ASAP1: variants seen among roughly 807,000 people sequenced by gnomAD.
ASAP1 encodes arf-GAP with SH3 domain, ANK repeat and PH domain-containing protein 1.
In ASAP1, 43 loss-of-function variants were observed where a neutral mutation model predicts 145.2. That is an observed-to-expected ratio of 0.30 (90% CI 0.23 to 0.38). ASAP1 has a LOEUF of 0.38. ASAP1 is among the 10% of genes least tolerant of loss of function. The probability of loss-of-function intolerance (pLI) is 1.00; values close to 1 mark genes in which losing one functional copy is unlikely to be tolerated. For missense variants in ASAP1, 1,018 were observed against 1,355.3 expected (o/e 0.75, Z 3.91); for synonymous variants, 546 against 515.5 (o/e 1.06, Z -0.80).
chr8:130,282,896 G>A (rs186605530), intron 3 of ASAP1, among the ~76,000 whole-genome samples: 7 of 152,220 alleles, frequency 4.6e-5, no homozygotes, highest in Non-Finnish European at 7.3e-5. Flanking sequence ...GTTTCGCTGC[G>A]GCAAAGTTAC....
chr8:130,280,050 G>A (rs149759865), intron 3 of ASAP1, among the ~76,000 whole-genome samples: 133 of 152,166 alleles, frequency 8.7e-4, no homozygotes, highest in African/African-American at 3.1e-3. Context: ...ATTTTATTTG[G>A]TCATCAAAAA....
intron 3 of ASAP1, chr8:130,340,870 G>A: frequency 6.6e-6 from 3 of 456,116 alleles, no homozygotes; most frequent in South Asian, 4.6e-5. Context: ...GCTCCTGCAT[G>A]CTTCTTGAGG....
chr8:130,112,464 AT>A, intron 23 of ASAP1, 142 bp from the exon 24 acceptor site: 2 of 633,526 alleles, frequency 3.2e-6, no homozygotes, highest in South Asian at 2.0e-5. Context: ...AATGAGCCTC[AT>A]GATGCTGACA....
At chr8:130,175,252 A>G (rs1319996776) in intron 9 of ASAP1, among the ~76,000 whole-genome samples, 2 of 152,040 alleles carry the variant, frequency 1.3e-5, no homozygotes, top group Non-Finnish European at 2.9e-5. Context: ...TAATATACAG[A>G]GTCTTGCTTT....
chr8:130,232,650 T>G lies in ASAP1; in HGVS notation c.259+4272A>C, dbSNP rs1817976007. 2.0e-5 allele frequency among the ~76,000 whole-genome samples: 3 copies of G among 149,286 alleles called. No individual in the cohort carries two copies. In the South Asian group the frequency reaches 6.2e-4, roughly 31 times the overall value. The stretch of plus-strand genomic sequence containing the variant: ...AAAAAAAAAAACCAAAAAACCCTCA[T>G]TTTTATAATGTTTACTAGTACTGAT... On this transcript the variant is annotated intron_variant, in intron 4 of 29. Coordinates refer to ENST00000518721, the MANE Select transcript of ASAP1 (RefSeq NM_018482.4).
intron 2 of ASAP1, among the ~76,000 whole-genome samples, chr8:130,372,440 A>G (rs1373115746): frequency 6.6e-6 from 1 of 152,256 alleles, no homozygotes; most frequent in Non-Finnish European, 1.5e-5. Flanking sequence ...CCACAGCTGA[A>G]ACAGAACCCC....
At chr8:130,087,799 A>G (rs577937006) in intron 25 of ASAP1, among the ~76,000 whole-genome samples, 1 of 152,334 alleles carries the variant, frequency 6.6e-6, no homozygotes, top group African/African-American at 2.4e-5. Flanking sequence ...AGCTGCTGAC[A>G]ACAACTATTA....
intron 2 of ASAP1, among the ~76,000 whole-genome samples, chr8:130,368,500 T>C (rs1192363535): frequency 6.6e-6 from 1 of 152,220 alleles, no homozygotes; most frequent in Non-Finnish European, 1.5e-5. Context: ...CTGTCAGTCA[T>C]GTCTCTACTT....
At chr8:130,191,612 G>A (rs186411854) in intron 5 of ASAP1, among the ~76,000 whole-genome samples, 148 of 152,314 alleles carry the variant, frequency 9.7e-4, no homozygotes, top group Admixed American at 1.8e-3. Flanking sequence ...GGCAGAGGGA[G>A]AGAGTGGTGT....
intron 13 of ASAP1, 52 bp from the exon 14 acceptor site, chr8:130,137,090 T>C (rs1454942143): frequency 5.3e-6 from 8 of 1,501,120 alleles, no homozygotes; most frequent in Non-Finnish European, 7.4e-6. Context: ...CTCTCTTGTC[T>C]GCAGGTTCAG....
rs1198101484 is a variant in ASAP1, at chr8:130,221,517, C to G, written c.260-6816G>C. On this transcript the variant is annotated intron_variant, in intron 4 of 29. Coordinates refer to ENST00000518721, the MANE Select transcript of ASAP1 (RefSeq NM_018482.4). ...TTATATTTATCTTCCCTATAATTTA[C>G]TGCCCTATAATTCCTAGAAGTCTCC... Among the ~76,000 whole-genome samples, 4 of 152,302 alleles carry G rather than the reference C, an allele frequency of 2.6e-5. No homozygotes were observed. In the South Asian group the frequency reaches 8.3e-4, roughly 32 times the overall value.
intron 24 of ASAP1, among the ~76,000 whole-genome samples, chr8:130,107,527 T>G (rs1592815989): frequency 1.2e-5 from 1 of 80,452 alleles, no homozygotes; most frequent in South Asian, 6.0e-4. Flanking sequence ...TGTATGTATG[T>G]ATGTATGTAT....
intron 3 of ASAP1, among the ~76,000 whole-genome samples, chr8:130,352,893 T>A (rs745545050): frequency 2.0e-5 from 3 of 152,204 alleles, no homozygotes; most frequent in Non-Finnish European, 4.4e-5. Flanking sequence ...GGTGAATACA[T>A]TAAGAAAAGC....
At chr8:130,108,478 G>A (rs187115036) in intron 24 of ASAP1, among the ~76,000 whole-genome samples, 11 of 152,216 alleles carry the variant, frequency 7.2e-5, no homozygotes, top group Non-Finnish European at 1.3e-4. Context: ...CCAAGTGCCC[G>A]GTCTCATTAT....
chr8:130,291,198 G>A (rs1342026256), intron 3 of ASAP1, among the ~76,000 whole-genome samples: 1 of 152,210 alleles, frequency 6.6e-6, no homozygotes, highest in African/African-American at 2.4e-5. Flanking sequence ...CTTAGAATGT[G>A]AATGTCAAAT....
chr8:130,281,708 T>G (rs958651880), intron 3 of ASAP1, among the ~76,000 whole-genome samples: 5 of 152,250 alleles, frequency 3.3e-5, no homozygotes, highest in African/African-American at 4.8e-5. Flanking sequence ...TGAACTCATT[T>G]TCCTCTAAGA....
chr8:130,214,412 A>C, intron 5 of ASAP1, 144 bp downstream of exon 5: 1 of 675,130 alleles, frequency 1.5e-6, no homozygotes, highest in Non-Finnish European at 2.1e-6. Context: ...TGTGGAAGTT[A>C]CCTAGGACTA....
chr8:130,329,973 G>C (rs1824576497), intron 3 of ASAP1, among the ~76,000 whole-genome samples: 1 of 152,202 alleles, frequency 6.6e-6, no homozygotes, highest in African/African-American at 2.4e-5. Flanking sequence ...CACAAAGGGA[G>C]GGATGTTTGA....
At chr8:130,191,538 G>C (rs1001295032) in intron 5 of ASAP1, among the ~76,000 whole-genome samples, 1 of 152,104 alleles carries the variant, frequency 6.6e-6, no homozygotes, top group Non-Finnish European at 1.5e-5. Context: ...CATATTCTAG[G>C]AACAGAGGCA....
Sources: gnomAD v4.1 joint callset for allele counts (sites outside exome capture counted in the v4.1 genomes callset) on GRCh38, gnomAD v4.1.1 for gene constraint, MANE v1.5 for transcripts, NCBI Gene and HGNC (gene_info 2026-07-23, HGNC 2026-07-21) for gene names.